The following DOCK1 variants were observed in gnomAD, a reference collection of about 807,000 sequenced individuals.
DOCK1 encodes the protein dedicator of cytokinesis protein 1.
In DOCK1, 138 loss-of-function variants were observed where a neutral mutation model predicts 262.7. The ratio of observed to expected loss-of-function variants is 0.53; its 90% CI spans 0.46 to 0.61. DOCK1 has a LOEUF of 0.61. Ranked by LOEUF, DOCK1 falls within the 20% of genes least tolerant of loss-of-function variation. The pLI, the probability that DOCK1 is intolerant of heterozygous loss-of-function variation, is 0.00. For missense variants in DOCK1, 1,908 were observed against 2,370.7 expected (o/e 0.80, Z 4.05); for synonymous variants, 866 against 867.4 (o/e 1.00, Z 0.03).
intron 10 of DOCK1, among the ~76,000 whole-genome samples, chr10:127,008,083 C>T (rs949672848): frequency 8.5e-5 from 13 of 152,238 alleles, no homozygotes; most frequent in African/African-American, 2.6e-4. Context: ...TCCTCCATCA[C>T]GCTTTCTACA....
chr10:127,409,829 C>T (rs2067739213), intron 42 of DOCK1, among the ~76,000 whole-genome samples: 1 of 152,164 alleles, frequency 6.6e-6, no homozygotes, highest in South Asian at 2.1e-4. Flanking sequence ...CACATTTGCT[C>T]CTGGTGACAC....
chr10:127,356,764 C>T (rs958629754), intron 32 of DOCK1, among the ~76,000 whole-genome samples: 3 of 152,142 alleles, frequency 2.0e-5, no homozygotes, highest in Non-Finnish European at 4.4e-5. Context: ...GTTGGGCTCT[C>T]AGGGCAGACC....
intron 32 of DOCK1, among the ~76,000 whole-genome samples, chr10:127,360,187 A>C (rs951793873): frequency 6.6e-6 from 1 of 152,180 alleles, no homozygotes; most frequent in Non-Finnish European, 1.5e-5. Context: ...CCAGGCAGTG[A>C]AAGAAGCTTG....
At chr10:127,285,802 G>T (rs1395733917) in intron 29 of DOCK1, among the ~76,000 whole-genome samples, 8 of 152,224 alleles carry the variant, frequency 5.3e-5, no homozygotes, top group Non-Finnish European at 1.2e-4. Context: ...TAACCCTCCT[G>T]CTTGACGACC....
chr10:127,238,300 T>C (rs552900138), intron 27 of DOCK1, among the ~76,000 whole-genome samples: 10 of 152,286 alleles, frequency 6.6e-5, no homozygotes, highest in African/African-American at 2.4e-4. Flanking sequence ...AGTGATCCTG[T>C]GTGCTTAGCA....
At chr10:127,282,205 T>TTCTCTCTCTCTCTTTCTC (rs2060985943) in intron 29 of DOCK1, among the ~76,000 whole-genome samples, 5 of 151,766 alleles carry the variant, frequency 3.3e-5, no homozygotes, top group South Asian at 4.2e-4. Flanking sequence ...CACTCTTGTG[T>TTCTCTCTCTCTCTTTCTC]TCTCTCTCTC....
chr10:127,144,097 C>G (rs1487946295), intron 27 of DOCK1, among the ~76,000 whole-genome samples: 2 of 152,268 alleles, frequency 1.3e-5, no homozygotes, highest in South Asian at 2.1e-4. Context: ...TTCCACTGCT[C>G]TAGTCCAGAA....
At chr10:126,979,978 T>C (rs897976079) in intron 3 of DOCK1, among the ~76,000 whole-genome samples, 1 of 152,110 alleles carries the variant, frequency 6.6e-6, no homozygotes, top group East Asian at 1.9e-4. Flanking sequence ...GATTCTCCAG[T>C]GGGTTTGCTG....
At chr10:127,196,985 C>T (rs1257090535) in intron 27 of DOCK1, among the ~76,000 whole-genome samples, 1 of 152,116 alleles carries the variant, frequency 6.6e-6, no homozygotes, top group Non-Finnish European at 1.5e-5. Flanking sequence ...CCCGGCGGGG[C>T]TTTGGGAAGC....
chr10:126,917,745 G>A (rs2032671111), intron 1 of DOCK1, among the ~76,000 whole-genome samples: 1 of 152,148 alleles, frequency 6.6e-6, no homozygotes. Flanking sequence ...CTTAGGGCCT[G>A]GGAGCCCTAG....
intron 1 of DOCK1, among the ~76,000 whole-genome samples, chr10:126,935,285 T>G (rs1480637004): frequency 1.3e-5 from 2 of 152,008 alleles, no homozygotes; most frequent in Non-Finnish European, 2.9e-5. Context: ...TTGTGTGGCT[T>G]TAATCTACAC....
At chr10:127,070,249 C>CT (rs2046139979) in intron 23 of DOCK1, among the ~76,000 whole-genome samples, 1 of 78,770 alleles carries the variant, frequency 1.3e-5, no homozygotes, top group Non-Finnish European at 2.6e-5. Context: ...TGAATTTAGC[C>CT]CTTTTTTTTT....
At chr10:127,388,163 G>A (rs1399400415) in intron 38 of DOCK1, among the ~76,000 whole-genome samples, 2 of 152,176 alleles carry the variant, frequency 1.3e-5, no homozygotes, top group Admixed American at 1.3e-4. Context: ...GGCAGCTAAA[G>A]CAAAACAGAC....
At chr10:127,448,724 T>C (rs886962084) in intron 51 of DOCK1, among the ~76,000 whole-genome samples, 1 of 152,154 alleles carries the variant, frequency 6.6e-6, no homozygotes, top group African/African-American at 2.4e-5. Flanking sequence ...AGTAATTATA[T>C]GGCCGCAAAA....
At chr10:127,399,534 T>G (rs1036182122) in intron 38 of DOCK1, among the ~76,000 whole-genome samples, 12 of 150,430 alleles carry the variant, frequency 8.0e-5, no homozygotes, top group African/African-American at 3.0e-4. Context: ...TGATAGAAGA[T>G]ACCACCATGC....
chr10:127,351,100 C>A (rs2063858317), intron 31 of DOCK1, among the ~76,000 whole-genome samples: 1 of 152,164 alleles, frequency 6.6e-6, no homozygotes, highest in Non-Finnish European at 1.5e-5. Flanking sequence ...AGTGAAGGTG[C>A]AAGAAACCAG....
chr10:127,123,745 AGG>A (rs2049763308), intron 25 of DOCK1, among the ~76,000 whole-genome samples: 1 of 152,064 alleles, frequency 6.6e-6, no homozygotes, highest in African/African-American at 2.4e-5. Flanking sequence ...CTCTAACACT[AGG>A]GCAGTCTCCT....
At chr10:127,156,014 A>C (rs2053008189) in intron 27 of DOCK1, among the ~76,000 whole-genome samples, 1 of 152,186 alleles carries the variant, frequency 6.6e-6, no homozygotes, top group South Asian at 2.1e-4. Flanking sequence ...TGCTAGTCAT[A>C]TCCAAATTTT....
chr10:127,284,151 A>G (rs2061063863), intron 29 of DOCK1, among the ~76,000 whole-genome samples: 1 of 151,990 alleles, frequency 6.6e-6, no homozygotes, highest in Admixed American at 6.6e-5. Context: ...TCATTAATCT[A>G]TTGGTTTTAG....
Sources: allele counts gnomAD v4.1 joint callset (sites outside exome capture counted in the v4.1 genomes callset), GRCh38; gene constraint gnomAD v4.1.1; transcripts MANE v1.5; gene names NCBI Gene and HGNC (gene_info 2026-07-23, HGNC 2026-07-21).